Variants in BMP10 observed in about 807,000 individuals in gnomAD.
BMP10 encodes the protein bone morphogenetic protein 10.
In BMP10, 9 loss-of-function variants were observed where a neutral mutation model predicts 29.9. The ratio of observed to expected loss-of-function variants is 0.30; its 90% CI spans 0.18 to 0.53. BMP10 has a LOEUF of 0.53. Ranked by LOEUF, BMP10 falls within the 20% of genes least tolerant of loss-of-function variation. The pLI, the probability that BMP10 is intolerant of heterozygous loss-of-function variation, is 0.96. For synonymous variants in BMP10, 202 were observed against 200.2 expected, an observed-to-expected ratio of 1.01 and a Z score of -0.07; for missense variants, 474 against 524.3, an observed-to-expected ratio of 0.90 and a Z score of 0.94.
rs192524763 is a variant in BMP10, at chr2:68,861,830, G to C, written c.*3801C>G. On this transcript the variant is annotated 3_prime_UTR_variant, in exon 2 of 2. Transcript: ENST00000295379. Reference sequence around the variant, plus strand: ...AAAAGGTTTTTGTCATTAATTCCCCGGACCAAAATTTACACATCAGGAAAG... The same window carrying C: ...AAAAGGTTTTTGTCATTAATTCCCCCGACCAAAATTTACACATCAGGAAAG... 6.6e-6 allele frequency among the ~76,000 whole-genome samples: 1 copy of C among 151,868 alleles called. No homozygotes were observed. Among genetic ancestry groups the C allele is most frequent in the Non-Finnish European group, 1.5e-5 (1 of 67,988 alleles).
Position 68,863,356 on chromosome 2 carries a change from A to G in BMP10, c.*2275T>C, listed in dbSNP as rs146400062. On this transcript the variant is annotated 3_prime_UTR_variant, in exon 2 of 2. Coordinates refer to ENST00000295379, the MANE Select transcript of BMP10 (RefSeq NM_014482.3). Reference sequence around the variant, plus strand: ...ATTAGACATAAAGAAAATTTGCTTAATTTTTATCTAACCAGGACTATCCTG... The same window carrying G: ...ATTAGACATAAAGAAAATTTGCTTAGTTTTTATCTAACCAGGACTATCCTG... 3.7e-4 allele frequency among the ~76,000 whole-genome samples: 56 copies of G among 152,168 alleles called. No homozygotes were observed. The highest frequency in any genetic ancestry group is 3.2e-3 in the Middle Eastern group (1 of 316).
At position 68,864,924 on chromosome 2, in the gene BMP10, A is replaced by G. The variant is rs10194104; in HGVS notation, c.*707T>C. ...TCCTATTGTCTCAGGAACAGATTTCATGCTGGTTTCTTCTGTTTTCCTGCC... is the reference window on the plus strand; with the variant it reads ...TCCTATTGTCTCAGGAACAGATTTCGTGCTGGTTTCTTCTGTTTTCCTGCC... On this transcript the variant is annotated 3_prime_UTR_variant, in exon 2 of 2. Coordinates refer to ENST00000295379, the MANE Select transcript of BMP10 (RefSeq NM_014482.3). Among the ~76,000 whole-genome samples, 13,227 of 152,098 alleles carry G rather than the reference A, an allele frequency of 0.087. 647 individuals carry two copies. The highest frequency in any genetic ancestry group is 0.14 in the African/African-American group (5,743 of 41,474).
intron 1 of BMP10, among the ~76,000 whole-genome samples, chr2:68,866,797 G>A (rs1034841187): frequency 8.5e-5 from 13 of 152,270 alleles, no homozygotes; most frequent in Middle Eastern, 6.8e-3. Flanking sequence ...GACTAAAATG[G>A]AAAATGGGGG....
chr2:68,866,219 A>G lies in BMP10; in HGVS notation c.687T>C (p.Asp229=), dbSNP rs745520256. The stretch of plus-strand genomic sequence containing the variant: ...GTCCACTGCTGGCATCCTCAGCTTC[A>G]TCGTGTTTGCTCTCAATGTGGACCT... ...QLEVHIESKH[D]EAEDASSGRL... The change falls in exon 2 of 2, where the codon GAT becomes GAC. Residue 229 remains aspartate (D), a synonymous_variant. Transcript: ENST00000295379. 1 of 1,613,846 alleles carries G rather than the reference A, an allele frequency of 6.2e-7. No homozygotes were observed. Among genetic ancestry groups the G allele is most frequent in the Non-Finnish European group, 8.5e-7 (1 of 1,179,980 alleles).
intron 1 of BMP10, among the ~76,000 whole-genome samples, chr2:68,870,315 A>G (rs1683044070): frequency 6.6e-6 from 1 of 152,208 alleles, no homozygotes; most frequent in African/African-American, 2.4e-5. Context: ...TTAGTTACCA[A>G]ATTTAAAGAC....
In BMP10 at chr2:68,866,030, A is replaced by G. The variant is rs1177138675; in HGVS notation, c.876T>C (p.Ser292=). ...GCAACAAAGCCTCTTCCCCAGGTCC[A>G]CTGGAAAAGCTATCCAGGCCCAAGT... ...LDNLGLDSFS[S]GPGEEALLQM... is the part of the protein sequence containing the mutation. The change falls in exon 2 of 2, where the codon AGT becomes AGC. Residue 292 remains serine, a synonymous_variant. Coordinates refer to ENST00000295379, the MANE Select transcript of BMP10 (RefSeq NM_014482.3). 1 of 1,613,928 alleles carries G rather than the reference A, an allele frequency of 6.2e-7. No individual in the cohort carries two copies. The highest frequency in any genetic ancestry group is 8.5e-7 in the Non-Finnish European group (1 of 1,179,966).
chr2:68,865,766 A>G lies in BMP10; in HGVS notation c.1140T>C (p.Asn380=), dbSNP rs750079539. The change falls in exon 2 of 2, where the codon AAT becomes AAC. Residue 380 remains asparagine, a synonymous_variant. Coordinates refer to ENST00000295379, the MANE Select transcript of BMP10 (RefSeq NM_014482.3). The surrounding 1 kb of genome is among the most constrained non-coding windows in gnomAD (Gnocchi z 4.7). ...AGCAGGCTTTGGAAGCTTTCTGGGA[A>G]TTCTTGAGGTGGACCAAGGCCTGGA... ...AIIQALVHLK[N]SQKASKACCV... is the part of the protein sequence containing the mutation. 6.2e-7 allele frequency: 1 copy of G among 1,614,092 alleles called. No individual in the cohort carries two copies. The highest frequency in any genetic ancestry group is 8.5e-7 in the Non-Finnish European group (1 of 1,179,972).
intron 1 of BMP10, among the ~76,000 whole-genome samples, chr2:68,870,383 T>C (rs1285309654): frequency 1.3e-5 from 2 of 152,234 alleles, no homozygotes; most frequent in East Asian, 3.8e-4. Flanking sequence ...CGTTGCTCTT[T>C]ATAAAGACGG....
At position 68,863,666 on chromosome 2, in the gene BMP10, G is replaced by A. The variant is rs1462234641; in HGVS notation, c.*1965C>T. ...GACGGTCAAAACACCACTCTTCCATGAGCAATGAATTCCCCAGGATTCACC... is the reference window on the plus strand; with the variant it reads ...GACGGTCAAAACACCACTCTTCCATAAGCAATGAATTCCCCAGGATTCACC... On this transcript the variant is annotated 3_prime_UTR_variant, in exon 2 of 2. Transcript: ENST00000295379. Among the ~76,000 whole-genome samples the A allele has an allele frequency of 1.3e-5, 2 of 152,148 alleles. No individual in the cohort carries two copies. Among genetic ancestry groups the A allele is most frequent in the African/African-American group, 4.8e-5 (2 of 41,430 alleles).
At position 68,863,540 on chromosome 2, in the gene BMP10, T is replaced by A. The variant is rs1682899964; in HGVS notation, c.*2091A>T. The stretch of plus-strand genomic sequence containing the variant: ...GTGGTTATTCAAAGCCAGCTATACA[T>A]CACACACACATACACACATCATGTT... On this transcript the variant is annotated 3_prime_UTR_variant, in exon 2 of 2. Transcript: ENST00000295379. Among the ~76,000 whole-genome samples, 1 of 152,136 alleles carries A rather than the reference T, an allele frequency of 6.6e-6. No individual in the cohort carries two copies. The highest frequency in any genetic ancestry group is 1.5e-5 in the Non-Finnish European group (1 of 68,014).
rs1441852445 is a variant in BMP10, at chr2:68,862,883, C to T, written c.*2748G>A. Among the ~76,000 whole-genome samples, 4 of 152,170 alleles carry T rather than the reference C, an allele frequency of 2.6e-5. No homozygotes were observed. The highest frequency in any genetic ancestry group is 4.4e-5 in the Non-Finnish European group (3 of 68,018). ...CCCTTTCCACAGGGAAGCAGAAAAT[C>T]ATAGAAATGCAGGTTTACATCTGGA... is the stretch of plus-strand genomic sequence containing the variant. On this transcript the variant is annotated 3_prime_UTR_variant, in exon 2 of 2. Transcript: ENST00000295379.
In BMP10 at chr2:68,863,000, G is replaced by A. The variant is rs754397129; in HGVS notation, c.*2631C>T. Among the ~76,000 whole-genome samples the A allele has an allele frequency of 7.2e-5, 11 of 152,112 alleles. No individual in the cohort carries two copies. The highest frequency in any genetic ancestry group is 1.4e-4 in the African/African-American group (6 of 41,416). ...AACAGAAGAGTGACTATAAGTGCTC[G>A]AGACAAGATTTCTCCAGAAGCCCGG... On this transcript the variant is annotated 3_prime_UTR_variant, in exon 2 of 2. Coordinates refer to ENST00000295379, the MANE Select transcript of BMP10 (RefSeq NM_014482.3).
rs6706460 is a variant in BMP10, at chr2:68,871,349, G to C, written c.10C>G (p.Leu4Val). MGS[L>V]VLTLCALFCL... is the part of the protein sequence containing the mutation. ...AAAAGAGCGCACAGTGTCAGGACCA[G>C]AGAGCCCATGACTCCGCTCGAGCTC... The change falls in exon 1 of 2, where the codon CTG (leucine) becomes GTG (valine). Residue 4 changes from leucine to valine, a missense_variant. Transcript: ENST00000295379. 1.1e-4 allele frequency: 184 copies of C among 1,613,616 alleles called. 2 individuals carry two copies. In the African/African-American group the frequency reaches 2.2e-3, roughly 20 times the overall value.
At chr2:68,867,024 G>A (rs1037088153) in intron 1 of BMP10, among the ~76,000 whole-genome samples, 4 of 151,998 alleles carry the variant, frequency 2.6e-5, no homozygotes, top group African/African-American at 9.7e-5. Flanking sequence ...TTTGTAGTGG[G>A]TGGAGATCCC....
At chr2:68,867,879 T>C (rs1682995789) in intron 1 of BMP10, among the ~76,000 whole-genome samples, 1 of 141,260 alleles carries the variant, frequency 7.1e-6, no homozygotes, top group Non-Finnish European at 1.5e-5. Flanking sequence ...ACATAATTCA[T>C]TAAAGGAGAG....
chr2:68,866,028 C>T lies in BMP10; in HGVS notation c.878G>A (p.Gly293Glu). The T allele has an allele frequency of 6.2e-7, 1 of 1,614,066 alleles. No individual in the cohort carries two copies. The highest frequency in any genetic ancestry group is 8.5e-7 in the Non-Finnish European group (1 of 1,179,964). Residue 293 changes from glycine to glutamate, a missense_variant, in exon 2 of 2, where the codon GGA becomes GAA. Coordinates refer to ENST00000295379, the MANE Select transcript of BMP10 (RefSeq NM_014482.3). Reference sequence around the variant, plus strand: ...CTGCAACAAAGCCTCTTCCCCAGGTCCACTGGAAAAGCTATCCAGGCCCAA... The same window carrying T: ...CTGCAACAAAGCCTCTTCCCCAGGTTCACTGGAAAAGCTATCCAGGCCCAA... The part of the protein sequence containing the change: ...DNLGLDSFSS[G>E]PGEEALLQMR...
rs1682921304 is a variant in BMP10, at chr2:68,864,781, G to A, written c.*850C>T. Among the ~76,000 whole-genome samples the A allele has an allele frequency of 6.6e-6, 1 of 152,160 alleles. No homozygotes were observed. The highest frequency in any genetic ancestry group is 2.4e-5 in the African/African-American group (1 of 41,426). ...TTTTGGTTTTACAGACACATCTGAG[G>A]ATAGCCTCTGAGGATAACATCAATA... On this transcript the variant is annotated 3_prime_UTR_variant, in exon 2 of 2. Transcript: ENST00000295379.
chr2:68,866,242 C>T lies in BMP10; in HGVS notation c.664G>A (p.Val222Ile). Residue 222 changes from valine to isoleucine, a missense_variant, in exon 2 of 2, where the codon GTC (valine) becomes ATC (isoleucine). Val to Ile is a conservative substitution (Grantham distance 29, BLOSUM62 3). Coordinates refer to ENST00000295379, the MANE Select transcript of BMP10 (RefSeq NM_014482.3). ...TCATCGTGTTTGCTCTCAATGTGGA[C>T]CTCCAGCTGGTGGGTGGATGAGCCT... The part of the protein sequence containing the change: ...KSGSSTHQLE[V>I]HIESKHDEAE... The T allele has an allele frequency of 6.2e-7, 1 of 1,614,062 alleles. No individual in the cohort carries two copies. The highest frequency in any genetic ancestry group is 1.3e-5 in the African/African-American group (1 of 74,996).
chr2:68,868,566 T>C (rs905306338), intron 1 of BMP10, among the ~76,000 whole-genome samples: 5 of 152,218 alleles, frequency 3.3e-5, no homozygotes, highest in Admixed American at 1.3e-4. Context: ...TATTGATTAG[T>C]TGATGATTCT....
Sources: allele counts gnomAD v4.1 joint callset (sites outside exome capture counted in the v4.1 genomes callset), GRCh38; gene constraint gnomAD v4.1.1; non-coding constraint Gnocchi (gnomAD v3.1); transcripts MANE v1.5; gene names NCBI Gene and HGNC (gene_info 2026-07-23, HGNC 2026-07-21).